The following DGKB variants were observed in gnomAD, a reference collection of about 807,000 sequenced individuals.
DGKB encodes 90 kDa diacylglycerol kinase.
In DGKB, 67 loss-of-function variants were observed where a neutral mutation model predicts 114.3. The ratio of observed to expected loss-of-function variants is 0.59; its 90% CI spans 0.48 to 0.72. DGKB has a LOEUF of 0.72. Ranked by LOEUF, DGKB falls within the 30% of genes least tolerant of loss-of-function variation. The probability of loss-of-function intolerance (pLI) is 0.00; values close to 1 mark genes in which losing one functional copy is unlikely to be tolerated. For missense variants in DGKB, 907 were observed against 975.2 expected (o/e 0.93, Z 0.93); for synonymous variants, 398 against 323.1 (o/e 1.23, Z -2.49).
intron 23 of DGKB, among the ~76,000 whole-genome samples, chr7:14,204,283 A>C (rs1311172502): frequency 6.6e-6 from 1 of 152,002 alleles, no homozygotes; most frequent in African/African-American, 2.4e-5. Flanking sequence ...ATCTGAATAC[A>C]TGAAAACTTG....
In DGKB at chr7:14,381,829, A is replaced by ATATTGGTCCC. The variant is rs534060576; in HGVS notation, c.1836-36448_1836-36439dup. The stretch of plus-strand genomic sequence containing the variant: ...CAAATCACAAAAGTTTTCTTAAATT[A>ATATTGGTCCC]TATTGGTCCCAGAGGAATAGTAATG... On this transcript the variant is annotated intron_variant, in intron 21 of 25. Coordinates refer to ENST00000402815, the MANE Select transcript of DGKB (RefSeq NM_001350709.2). 3.8e-3 allele frequency among the ~76,000 whole-genome samples: 579 copies of ATATTGGTCCC among 152,302 alleles called. 2 individuals are homozygous for ATATTGGTCCC. Among genetic ancestry groups the ATATTGGTCCC allele is most frequent in the Admixed American group, 9.9e-3 (151 of 15,292 alleles).
chr7:14,238,574 T>A (rs1292432021), intron 23 of DGKB, among the ~76,000 whole-genome samples: 1 of 109,476 alleles, frequency 9.1e-6, no homozygotes, highest in African/African-American at 4.5e-5. Flanking sequence ...GTACATTTTC[T>A]GATTTAATAA....
rs761559364 is a variant in DGKB, at chr7:14,580,850, C to T, written c.1609+12G>A. ...TGTACTGTTTCTGCTTTTGTTGTTG[C>T]AGCTGCTTTACCTCCTCCCCATCGC... On this transcript the variant is annotated intron_variant, in intron 19 of 25. Coordinates refer to ENST00000402815, the MANE Select transcript of DGKB (RefSeq NM_001350709.2). 2.3e-5 allele frequency: 37 copies of T among 1,584,400 alleles called. No homozygotes were observed. In the South Asian group the frequency reaches 4.0e-4, roughly 17 times the overall value.
At chr7:14,861,416 T>C (rs533323752) in intron 1 of DGKB, among the ~76,000 whole-genome samples, 75 of 152,078 alleles carry the variant, frequency 4.9e-4, no homozygotes, top group Non-Finnish European at 9.0e-4. Flanking sequence ...CTTTCAAATA[T>C]AGTAAACATA....
intron 17 of DGKB, among the ~76,000 whole-genome samples, chr7:14,588,197 T>C (rs1053061682): frequency 6.6e-6 from 1 of 152,172 alleles, no homozygotes; most frequent in Non-Finnish European, 1.5e-5. Flanking sequence ...TGGTTTCCAT[T>C]ATCTATTCCT....
intron 19 of DGKB, among the ~76,000 whole-genome samples, chr7:14,576,206 CTGT>C (rs1799098935): frequency 6.6e-6 from 1 of 151,982 alleles, no homozygotes; most frequent in Non-Finnish European, 1.5e-5. Context: ...TAATTTGAAG[CTGT>C]TAAGTATTAA....
intron 23 of DGKB, chr7:14,192,179 A>C (rs961350267): frequency 6.6e-6 from 2 of 302,066 alleles, no homozygotes; most frequent in Admixed American, 8.4e-5. Context: ...AATTGTCCCT[A>C]TTTGTAGATG....
At chr7:14,545,761 T>C (rs1441236000) in intron 20 of DGKB, among the ~76,000 whole-genome samples, 1 of 152,204 alleles carries the variant, frequency 6.6e-6, no homozygotes, top group Non-Finnish European at 1.5e-5. Flanking sequence ...TGATCTGACA[T>C]CGTATACTGG....
intron 2 of DGKB, among the ~76,000 whole-genome samples, chr7:14,772,716 C>G (rs1196411885): frequency 6.6e-6 from 1 of 152,054 alleles, no homozygotes; most frequent in Admixed American, 6.6e-5. Flanking sequence ...TTTAATCCTC[C>G]CATTGTTGCT....
At chr7:14,283,550 C>G (rs1396001753) in intron 23 of DGKB, among the ~76,000 whole-genome samples, 7 of 148,560 alleles carry the variant, frequency 4.7e-5, no homozygotes, top group Non-Finnish European at 1.0e-4. Context: ...GAGCCCGCAT[C>G]GCCAAGTCAA....
chr7:14,731,657 T>C (rs1179414690), intron 5 of DGKB, among the ~76,000 whole-genome samples: 1 of 152,180 alleles, frequency 6.6e-6, no homozygotes, highest in Non-Finnish European at 1.5e-5. Flanking sequence ...ACAATTTTGA[T>C]TGACGGTTGA....
At chr7:14,421,638 A>C (rs1017094594) in intron 21 of DGKB, among the ~76,000 whole-genome samples, 4 of 152,094 alleles carry the variant, frequency 2.6e-5, no homozygotes, top group African/African-American at 7.2e-5. Flanking sequence ...AATGGAAAAC[A>C]TTTCACTCAG....
chr7:14,284,113 C>T (rs936142029), intron 23 of DGKB, among the ~76,000 whole-genome samples: 2 of 152,020 alleles, frequency 1.3e-5, no homozygotes, highest in African/African-American at 4.8e-5. Context: ...GCAACCTGCT[C>T]ATCTGACAAA....
intron 10 of DGKB, among the ~76,000 whole-genome samples, chr7:14,684,112 T>A (rs1247853266): frequency 6.6e-6 from 1 of 152,158 alleles, no homozygotes; most frequent in Non-Finnish European, 1.5e-5. Flanking sequence ...AGAGACTATG[T>A]TACACATGGC....
At chr7:14,610,378 G>C (rs529368663) in intron 16 of DGKB, among the ~76,000 whole-genome samples, 1 of 152,144 alleles carries the variant, frequency 6.6e-6, no homozygotes, top group Non-Finnish European at 1.5e-5. Flanking sequence ...GACTACCAGA[G>C]TGGGGAAGGA....
At chr7:14,567,507 A>T (rs1797742104) in intron 20 of DGKB, among the ~76,000 whole-genome samples, 1 of 92,130 alleles carries the variant, frequency 1.1e-5, no homozygotes, top group African/African-American at 4.3e-5. Context: ...ATAATTATAT[A>T]ATTATATATT....
chr7:14,503,411 C>A (rs1786513703), intron 20 of DGKB, among the ~76,000 whole-genome samples: 1 of 152,132 alleles, frequency 6.6e-6, no homozygotes, highest in Non-Finnish European at 1.5e-5. Flanking sequence ...TATAACACTG[C>A]ATGAATTACT....
intron 21 of DGKB, among the ~76,000 whole-genome samples, chr7:14,387,775 TC>T (rs1820652066): frequency 1.3e-5 from 2 of 152,300 alleles, no homozygotes; most frequent in African/African-American, 4.8e-5. Flanking sequence ...TTACTTTTTT[TC>T]CTTTTCAACA....
At chr7:14,351,452 G>A (rs1205284851) in intron 21 of DGKB, among the ~76,000 whole-genome samples, 2 of 152,316 alleles carry the variant, frequency 1.3e-5, no homozygotes, top group African/African-American at 2.4e-5. Flanking sequence ...TCAGTGCAGA[G>A]GGAAAGGGAG....
Sources: gnomAD v4.1 joint callset for allele counts (sites outside exome capture counted in the v4.1 genomes callset) on GRCh38, gnomAD v4.1.1 for gene constraint, MANE v1.5 for transcripts, NCBI Gene and HGNC (gene_info 2026-07-23, HGNC 2026-07-21) for gene names.